TMEM132D: variants seen among roughly 807,000 people sequenced by gnomAD.
TMEM132D encodes the protein mature OL transmembrane protein.
In TMEM132D, 21 loss-of-function variants were observed where a neutral mutation model predicts 62.3. The ratio of observed to expected loss-of-function variants is 0.34; its 90% CI spans 0.24 to 0.49. The LOEUF (loss-of-function observed/expected upper bound fraction) is 0.49, where lower values mean the gene tolerates loss of function less well. TMEM132D is among the 20% of genes least tolerant of loss of function. The pLI is 0.99. For missense variants in TMEM132D, 1,346 were observed against 1,402.8 expected, an observed-to-expected ratio of 0.96 and a Z score of 0.65; for synonymous variants, 621 against 575.6, an observed-to-expected ratio of 1.08 and a Z score of -1.13.
chr12:129,750,494 C>A (rs1485632191), intron 1 of TMEM132D, among the ~76,000 whole-genome samples: 2 of 152,180 alleles, frequency 1.3e-5, no homozygotes, highest in Non-Finnish European at 2.9e-5. Context: ...CCTCTCTATT[C>A]CATTAATATG....
intron 1 of TMEM132D, among the ~76,000 whole-genome samples, chr12:129,759,913 CTTTTTT>C (rs5801881): frequency 0.036 from 5,333 of 148,834 alleles, 145 homozygotes; most frequent in South Asian, 0.11. Flanking sequence ...TCTTATTTGC[CTTTTTT>C]TTTTGAGACA....
chr12:129,235,467 T>C (rs1040583126), intron 4 of TMEM132D, among the ~76,000 whole-genome samples: 4 of 152,066 alleles, frequency 2.6e-5, no homozygotes, highest in South Asian at 2.1e-4. Context: ...AAATATTATA[T>C]AGCCTTTTGT....
chr12:129,472,933 C>T (rs1056758694), intron 3 of TMEM132D, among the ~76,000 whole-genome samples: 3 of 151,948 alleles, frequency 2.0e-5, no homozygotes, highest in East Asian at 1.9e-4. Context: ...GGCCTGATCT[C>T]GGCTCACTGC....
intron 5 of TMEM132D, among the ~76,000 whole-genome samples, chr12:129,194,421 C>T (rs1878490182): frequency 6.6e-6 from 1 of 152,098 alleles, no homozygotes; most frequent in Non-Finnish European, 1.5e-5. Context: ...AACTTATGAA[C>T]ACAAAGAAGG....
At chr12:129,399,569 A>T (rs1424487617) in intron 3 of TMEM132D, among the ~76,000 whole-genome samples, 4 of 151,996 alleles carry the variant, frequency 2.6e-5, no homozygotes, top group Non-Finnish European at 5.9e-5. Flanking sequence ...AGTTTCCAAG[A>T]CATGAGCTTT....
intron 4 of TMEM132D, among the ~76,000 whole-genome samples, chr12:129,226,081 G>A (rs1879473281): frequency 6.6e-6 from 1 of 152,214 alleles, no homozygotes; most frequent in Admixed American, 6.5e-5. Context: ...GGACTTTCAA[G>A]GGTGATGTTG....
At chr12:129,488,676 G>A (rs55740491) in intron 3 of TMEM132D, among the ~76,000 whole-genome samples, 30,048 of 151,942 alleles carry the variant, frequency 0.2, 3,531 homozygotes, top group African/African-American at 0.32. Flanking sequence ...CTGTCTGGAG[G>A]AAAACAAAAA....
chr12:129,481,695 C>G lies in TMEM132D; in HGVS notation c.1115+49364G>C, dbSNP rs73151099. On this transcript the variant is annotated intron_variant, in intron 3 of 8. Coordinates refer to ENST00000422113, the MANE Select transcript of TMEM132D (RefSeq NM_133448.3). ...TGAGCATCAATTTAGGAAATGAGCT[C>G]TCTTATACATTACTGGTGATAATGT... Among the ~76,000 whole-genome samples the G allele has an allele frequency of 7.0e-3, 1,065 of 152,270 alleles. 5 individuals are homozygous for G. Among genetic ancestry groups the G allele is most frequent in the South Asian group, 0.013 (61 of 4,830 alleles).
At chr12:129,295,826 A>T (rs1418134779) in intron 4 of TMEM132D, among the ~76,000 whole-genome samples, 1 of 152,114 alleles carries the variant, frequency 6.6e-6, no homozygotes, top group African/African-American at 2.4e-5. Context: ...ACCTAATACA[A>T]TGTAAATGCT....
At chr12:129,419,189 C>G (rs942251540) in intron 3 of TMEM132D, among the ~76,000 whole-genome samples, 1 of 152,146 alleles carries the variant, frequency 6.6e-6, no homozygotes, top group Non-Finnish European at 1.5e-5. Context: ...GTCCCCAACT[C>G]CAAGCTACAC....
chr12:129,404,435 G>A (rs1002326845), intron 3 of TMEM132D, among the ~76,000 whole-genome samples: 1 of 152,170 alleles, frequency 6.6e-6, no homozygotes, highest in Non-Finnish European at 1.5e-5. Flanking sequence ...GACCTAAAGT[G>A]ATTCACCCGC....
At chr12:129,403,129 A>C (rs1056633851) in intron 3 of TMEM132D, among the ~76,000 whole-genome samples, 1 of 151,770 alleles carries the variant, frequency 6.6e-6, no homozygotes, top group Non-Finnish European at 1.5e-5. Flanking sequence ...ACCAAACAAT[A>C]TTCTTCATCT....
rs1158792658 is a variant in TMEM132D at position 129,395,971 on chromosome 12, CATATAA to C, written c.1116-58160_1116-58155del. On this transcript the variant is annotated intron_variant, in intron 3 of 8. Coordinates refer to ENST00000422113, the MANE Select transcript of TMEM132D (RefSeq NM_133448.3). ...TTATAAAATAATATATAATATATAT[CATATAA>C]ATATATATTATATAAAGTATATAAT... 8.5e-5 allele frequency among the ~76,000 whole-genome samples: 12 copies of C among 141,282 alleles called. No homozygotes were observed. The East Asian group carries it at 2.4e-3, about 28-fold the overall frequency. 92.7% of individuals were successfully genotyped at this position (141,282 alleles called of 152,430 possible).
chr12:129,174,919 G>A (rs1877859570), intron 5 of TMEM132D, among the ~76,000 whole-genome samples: 1 of 152,036 alleles, frequency 6.6e-6, no homozygotes, highest in South Asian at 2.1e-4. Context: ...ATTTTTTGAG[G>A]GGGTTGTTTT....
At chr12:129,515,696 C>A (rs531325628) in intron 3 of TMEM132D, among the ~76,000 whole-genome samples, 1 of 152,260 alleles carries the variant, frequency 6.6e-6, no homozygotes, top group East Asian at 1.9e-4. Flanking sequence ...TATCTGAAGG[C>A]CAGGGGGAAT....
intron 2 of TMEM132D, among the ~76,000 whole-genome samples, chr12:129,564,632 C>G (rs1877319664): frequency 6.6e-6 from 1 of 152,166 alleles, no homozygotes; most frequent in African/African-American, 2.4e-5. Flanking sequence ...GGAAATGACC[C>G]TACTCTTAAT....
intron 2 of TMEM132D, among the ~76,000 whole-genome samples, chr12:129,537,292 T>A (rs1205870844): frequency 6.6e-6 from 1 of 152,172 alleles, no homozygotes; most frequent in Non-Finnish European, 1.5e-5. Flanking sequence ...ATTTTAAACC[T>A]TGAGACTAAA....
chr12:129,760,469 C>A (rs1870328066), intron 1 of TMEM132D, among the ~76,000 whole-genome samples: 2 of 151,508 alleles, frequency 1.3e-5, no homozygotes, highest in Non-Finnish European at 2.9e-5. Context: ...GTAGCTGGGA[C>A]TACAGGCCCC....
intron 3 of TMEM132D, among the ~76,000 whole-genome samples, chr12:129,400,664 A>G (rs1871596044): frequency 6.6e-6 from 1 of 152,180 alleles, no homozygotes; most frequent in Non-Finnish European, 1.5e-5. Context: ...TCAGCATCCA[A>G]TTTACTCAAC....
Sources: gnomAD v4.1 joint callset for allele counts (sites outside exome capture counted in the v4.1 genomes callset) on GRCh38, gnomAD v4.1.1 for gene constraint, MANE v1.5 for transcripts, NCBI Gene and HGNC (gene_info 2026-07-23, HGNC 2026-07-21) for gene names.